CTNNA2: variants seen among roughly 807,000 people sequenced by gnomAD.
The protein encoded by CTNNA2 is catenin alpha-2.
Under a neutral mutation model 101.0 loss-of-function variants are expected in CTNNA2, and 42 were observed. That is an observed-to-expected ratio of 0.42 (90% CI 0.32 to 0.54). The LOEUF (loss-of-function observed/expected upper bound fraction) is 0.54, where lower values mean the gene tolerates loss of function less well. CTNNA2 is among the 20% of genes least tolerant of loss of function. The pLI is 0.14. For missense variants in CTNNA2, 871 were observed against 1,223.1 expected (o/e 0.71, Z 4.29); for synonymous variants, 450 against 456.4 (o/e 0.99, Z 0.18).
At chr2:79,614,838 C>A (rs1467863924) in intron 1 of CTNNA2, among the ~76,000 whole-genome samples, 2 of 152,106 alleles carry the variant, frequency 1.3e-5, no homozygotes, top group East Asian at 1.9e-4. Context: ...AGAAAAATAT[C>A]TTTTAGCTTT....
At chr2:80,350,306 T>C (rs2149296317) in intron 7 of CTNNA2, among the ~76,000 whole-genome samples, 1 of 152,248 alleles carries the variant, frequency 6.6e-6, no homozygotes, top group Admixed American at 6.5e-5. Context: ...CCGAATGAAA[T>C]GGTAAGTTTT....
intron 9 of CTNNA2, among the ~76,000 whole-genome samples, chr2:80,544,722 G>GA (rs1310284061): frequency 6.6e-6 from 1 of 152,048 alleles, no homozygotes; most frequent in South Asian, 2.1e-4. Context: ...CAGTTCATAA[G>GA]AAAAAACAGT....
intron 2 of CTNNA2, among the ~76,000 whole-genome samples, chr2:79,713,375 G>GT (rs1442579434): frequency 2.0e-5 from 3 of 152,214 alleles, no homozygotes; most frequent in Non-Finnish European, 4.4e-5. Flanking sequence ...GAGGCCAGGA[G>GT]TTTGAGGTTG....
intron 1 of CTNNA2, among the ~76,000 whole-genome samples, chr2:79,577,084 T>C (rs540477562): frequency 6.6e-6 from 1 of 152,256 alleles, no homozygotes; most frequent in Admixed American, 6.5e-5. Context: ...AAAATTTTCA[T>C]GTGAGAACCA....
intron 9 of CTNNA2, among the ~76,000 whole-genome samples, chr2:80,477,203 A>G (rs1049102330): frequency 2.0e-5 from 3 of 152,222 alleles, no homozygotes; most frequent in Non-Finnish European, 4.4e-5. Flanking sequence ...ATACATACAC[A>G]GAAGCATACT....
In CTNNA2 at chr2:80,041,552, T is replaced by C. The variant is rs182783045; in HGVS notation, c.1056+131755T>C. ...CCTAGCAAAATTTTGAAATGACTTT[T>C]CCCCCTGACATGACTAATGCTATTG... is the stretch of plus-strand genomic sequence containing the variant. On this transcript the variant is annotated intron_variant, in intron 7 of 18. Coordinates refer to ENST00000402739, the MANE Select transcript of CTNNA2 (RefSeq NM_001282597.3). 1.2e-4 allele frequency among the ~76,000 whole-genome samples: 18 copies of C among 152,256 alleles called. 1 individual carries two copies. The East Asian group carries it at 2.5e-3, about 21-fold the overall frequency.
At chr2:80,278,598 A>G (rs558581018) in intron 7 of CTNNA2, among the ~76,000 whole-genome samples, 136 of 152,200 alleles carry the variant, frequency 8.9e-4, no homozygotes, top group Non-Finnish European at 1.5e-3. Context: ...CATTTGTGTC[A>G]TATTTACTAC....
At chr2:79,690,350 A>T (rs1684205210) in intron 2 of CTNNA2, among the ~76,000 whole-genome samples, 1 of 152,054 alleles carries the variant, frequency 6.6e-6, no homozygotes, top group South Asian at 2.1e-4. Flanking sequence ...TGTTACTCAA[A>T]AATAAAGTTG....
At chr2:80,172,950 A>G (rs1479467961) in intron 7 of CTNNA2, among the ~76,000 whole-genome samples, 1 of 152,186 alleles carries the variant, frequency 6.6e-6, no homozygotes, top group African/African-American at 2.4e-5. Context: ...CAATGATGCC[A>G]TCTTCAAATA....
intron 1 of CTNNA2, among the ~76,000 whole-genome samples, chr2:79,554,554 C>A (rs964295327): frequency 2.0e-5 from 3 of 152,076 alleles, no homozygotes; most frequent in African/African-American, 7.2e-5. Context: ...TTTTGTCATA[C>A]CCATTGCCAG....
At chr2:79,725,467 T>G (rs72927416) in intron 2 of CTNNA2, among the ~76,000 whole-genome samples, 12,688 of 152,272 alleles carry the variant, frequency 0.083, 688 homozygotes, top group African/African-American at 0.15. Flanking sequence ...AAGAGTGTTC[T>G]TTGCTTACTG....
At chr2:79,849,533 C>T (rs1275483936) in intron 3 of CTNNA2, among the ~76,000 whole-genome samples, 1 of 151,968 alleles carries the variant, frequency 6.6e-6, no homozygotes, top group African/African-American at 2.4e-5. Flanking sequence ...TGACCTTTTC[C>T]CCAATCACAG....
chr2:79,667,442 T>C (rs1226754068), intron 2 of CTNNA2, among the ~76,000 whole-genome samples: 2 of 152,204 alleles, frequency 1.3e-5, no homozygotes, highest in Non-Finnish European at 2.9e-5. Context: ...GGAGGGTTCT[T>C]TTTTGCTCTT....
At chr2:80,376,424 T>A (rs1486738361) in intron 7 of CTNNA2, among the ~76,000 whole-genome samples, 2 of 148,772 alleles carry the variant, frequency 1.3e-5, no homozygotes, top group African/African-American at 5.0e-5. Flanking sequence ...ACTAGAGAGA[T>A]GAAGTTCCTA....
At position 80,518,762 on chromosome 2, in the gene CTNNA2, C is replaced by T. The variant is rs372179736; in HGVS notation, c.1291-26220C>T. On this transcript the variant is annotated intron_variant, in intron 9 of 18. Coordinates refer to ENST00000402739, the MANE Select transcript of CTNNA2 (RefSeq NM_001282597.3). The stretch of plus-strand genomic sequence containing the variant: ...AATTAGTTTTAGGAAAAATTTGATT[C>T]CTGAAGGAATCTGTAAGCTTCTTTT... Among the ~76,000 whole-genome samples, 3 of 151,814 alleles carry T rather than the reference C, an allele frequency of 2.0e-5. No homozygotes were observed. The East Asian group carries it at 5.8e-4, about 29-fold the overall frequency.
rs1429742728 is a variant in CTNNA2, at chr2:80,419,583, T to C, written c.1272T>C (p.His424=). ...AATATGCCCAAGTTTTCCGTGAGCA[T>C]GCCAACAAACTGGTAGAGGTAAGTG... ...VKEYAQVFRE[H]ANKLVEVANL... is the part of the protein sequence containing the mutation. Residue 424 remains histidine (H), a synonymous_variant, in exon 9 of 19, where the codon CAT becomes CAC. Coordinates refer to ENST00000402739, the MANE Select transcript of CTNNA2 (RefSeq NM_001282597.3). 1 of 1,613,736 alleles carries C rather than the reference T, an allele frequency of 6.2e-7. No individual in the cohort carries two copies. The highest frequency in any genetic ancestry group is 8.5e-7 in the Non-Finnish European group (1 of 1,179,768).
intron 1 of CTNNA2, among the ~76,000 whole-genome samples, chr2:79,592,123 T>C (rs114036263): frequency 0.66 from 80,710 of 122,176 alleles, 23,312 homozygotes; most frequent in South Asian, 0.73. Flanking sequence ...TTCTTTTTGC[T>C]TTTTTTTTTT....
chr2:80,310,920 CT>C (rs1677507214), intron 7 of CTNNA2, among the ~76,000 whole-genome samples: 1 of 147,108 alleles, frequency 6.8e-6, no homozygotes, highest in African/African-American at 2.5e-5. Flanking sequence ...TTGCAGTGAT[CT>C]GAGATCGCGC....
chr2:80,069,497 A>G (rs374825059), intron 7 of CTNNA2, among the ~76,000 whole-genome samples: 13 of 152,332 alleles, frequency 8.5e-5, no homozygotes, highest in African/African-American at 3.1e-4. Flanking sequence ...ACATGATACA[A>G]CCATCCGCCA....
Sources: allele counts gnomAD v4.1 joint callset (sites outside exome capture counted in the v4.1 genomes callset), GRCh38; gene constraint gnomAD v4.1.1; transcripts MANE v1.5; gene names NCBI Gene and HGNC (gene_info 2026-07-23, HGNC 2026-07-21).